The following CNTNAP2 variants were observed in gnomAD, a reference collection of about 807,000 sequenced individuals.
CNTNAP2 encodes the protein contactin-associated protein-like 2.
CNTNAP2 carries 98 observed loss-of-function variants against 155.2 expected under a neutral mutation model. The ratio of observed to expected loss-of-function variants is 0.63; its 90% CI spans 0.54 to 0.75. The LOEUF is 0.75. CNTNAP2 is among the 30% of genes least tolerant of loss of function. The probability of loss-of-function intolerance (pLI) is 0.00; values close to 1 mark genes in which losing one functional copy is unlikely to be tolerated. For synonymous variants in CNTNAP2, 651 were observed against 631.2 expected (o/e 1.03, Z -0.47); for missense variants, 1,727 against 1,688.1 (o/e 1.02, Z -0.40).
chr7:147,627,515 G>C (rs946481778), intron 12 of CNTNAP2, among the ~76,000 whole-genome samples: 1 of 151,872 alleles, frequency 6.6e-6, no homozygotes, highest in African/African-American at 2.4e-5. Flanking sequence ...GGCCAACATA[G>C]TGAAACCCTG....
intron 1 of CNTNAP2, among the ~76,000 whole-genome samples, chr7:146,638,232 C>G (rs1407917737): frequency 6.6e-6 from 1 of 152,148 alleles, no homozygotes. Flanking sequence ...CTGACAGTGA[C>G]TTAAATTATT....
chr7:146,569,077 C>G (rs1311199073), intron 1 of CNTNAP2, among the ~76,000 whole-genome samples: 1 of 151,878 alleles, frequency 6.6e-6, no homozygotes, highest in Non-Finnish European at 1.5e-5. Flanking sequence ...AGTGCAGTGG[C>G]GCAATCTTGG....
intron 8 of CNTNAP2, among the ~76,000 whole-genome samples, chr7:147,277,981 C>T (rs1804937890): frequency 6.6e-6 from 1 of 151,742 alleles, no homozygotes; most frequent in Admixed American, 6.6e-5. Context: ...ATGCAAATTG[C>T]TCTTGCTGAA....
chr7:146,822,634 T>C (rs918894871), intron 2 of CNTNAP2, among the ~76,000 whole-genome samples: 1 of 149,164 alleles, frequency 6.7e-6, no homozygotes, highest in African/African-American at 2.4e-5. Flanking sequence ...AAACATTACT[T>C]ATCAAAATAC....
intron 3 of CNTNAP2, among the ~76,000 whole-genome samples, chr7:146,892,946 G>A (rs7810174): frequency 0.71 from 108,714 of 152,086 alleles, 39,731 homozygotes; most frequent in African/African-American, 0.86. Flanking sequence ...TATATGCAGA[G>A]ACAACTCATG....
chr7:147,702,080 G>A (rs1320059021), intron 13 of CNTNAP2, among the ~76,000 whole-genome samples: 8 of 101,226 alleles, frequency 7.9e-5, no homozygotes, highest in Non-Finnish European at 1.1e-4. Flanking sequence ...TTTTTTTTCC[G>A]AAATATACTT....
intron 21 of CNTNAP2, among the ~76,000 whole-genome samples, chr7:148,351,946 C>T (rs1345609205): frequency 1.3e-5 from 2 of 152,038 alleles, no homozygotes; most frequent in African/African-American, 2.4e-5. Context: ...AAGGCTTCTC[C>T]ACTCCTGCCA....
At chr7:146,886,429 G>T (rs1293761345) in intron 3 of CNTNAP2, among the ~76,000 whole-genome samples, 2 of 151,776 alleles carry the variant, frequency 1.3e-5, no homozygotes, top group African/African-American at 2.4e-5. Context: ...AATTCTTTTT[G>T]GTAGATATCT....
chr7:146,606,090 T>A (rs1799042485), intron 1 of CNTNAP2, among the ~76,000 whole-genome samples: 1 of 152,220 alleles, frequency 6.6e-6, no homozygotes, highest in African/African-American at 2.4e-5. Flanking sequence ...ATTGCAGTCA[T>A]AAATTTGCTA....
chr7:146,649,426 G>C (rs1365517643), intron 1 of CNTNAP2, among the ~76,000 whole-genome samples: 1 of 152,124 alleles, frequency 6.6e-6, no homozygotes, highest in African/African-American at 2.4e-5. Flanking sequence ...GTAAGTTCAT[G>C]ATAAATGCTA....
chr7:147,291,583 G>A (rs993105013), intron 8 of CNTNAP2, among the ~76,000 whole-genome samples: 10 of 152,144 alleles, frequency 6.6e-5, no homozygotes, highest in African/African-American at 9.6e-5. Flanking sequence ...CAACTGTCAT[G>A]AATAAGGCTG....
intron 11 of CNTNAP2, among the ~76,000 whole-genome samples, chr7:147,524,105 C>G (rs1799275077): frequency 6.6e-6 from 1 of 152,206 alleles, no homozygotes. Context: ...CACAACTGCA[C>G]ACATGGTAGC....
intron 3 of CNTNAP2, among the ~76,000 whole-genome samples, chr7:146,933,575 A>G (rs1237724056): frequency 3.3e-5 from 5 of 149,748 alleles, no homozygotes; most frequent in Admixed American, 3.3e-4. Flanking sequence ...AACAAAAGCC[A>G]AAATTGACAA....
At chr7:148,045,799 TCAAA>T (rs986645228) in intron 15 of CNTNAP2, among the ~76,000 whole-genome samples, 1 of 152,178 alleles carries the variant, frequency 6.6e-6, no homozygotes, top group Admixed American at 6.6e-5. Flanking sequence ...GCCAGCCATA[TCAAA>T]CAACCCAACA....
intron 8 of CNTNAP2, among the ~76,000 whole-genome samples, chr7:147,137,031 C>T (rs1415511774): frequency 6.6e-6 from 1 of 151,634 alleles, no homozygotes; most frequent in Non-Finnish European, 1.5e-5. Context: ...TATTAGAAGC[C>T]TTAAAAGATG....
rs76612227 is a variant in CNTNAP2 at position 147,640,352 on chromosome 7, C to G, written c.2098+1046C>G. On this transcript the variant is annotated intron_variant, in intron 13 of 23. Coordinates refer to ENST00000361727, the MANE Select transcript of CNTNAP2 (RefSeq NM_014141.6). ...ACCTTTTGATATTAAGCCTCAGTTT[C>G]CAGCGACTTTTTCTGTCAAGGAGAA... Among the ~76,000 whole-genome samples, 1,494 of 152,178 alleles carry G rather than the reference C, an allele frequency of 9.8e-3. 23 individuals carry two copies. The highest frequency in any genetic ancestry group is 0.034 in the African/African-American group (1,418 of 41,536).
intron 3 of CNTNAP2, among the ~76,000 whole-genome samples, chr7:146,842,676 G>C (rs1212970058): frequency 2.0e-5 from 3 of 151,978 alleles, no homozygotes; most frequent in African/African-American, 7.3e-5. Context: ...AAAGAGACGG[G>C]GGTGTCACAT....
intron 10 of CNTNAP2, among the ~76,000 whole-genome samples, chr7:147,478,166 G>A (rs7781897): frequency 6.6e-6 from 1 of 150,690 alleles, no homozygotes; most frequent in African/African-American, 2.4e-5. Flanking sequence ...TTTTTTGGGT[G>A]GTGGGGGAGG....
chr7:146,541,867 A>C (rs1305719706), intron 1 of CNTNAP2, among the ~76,000 whole-genome samples: 2 of 152,030 alleles, frequency 1.3e-5, no homozygotes, highest in Non-Finnish European at 2.9e-5. Context: ...ACTGTTCTTG[A>C]ATGATTTATT....
Sources: allele counts gnomAD v4.1 joint callset (sites outside exome capture counted in the v4.1 genomes callset), GRCh38; gene constraint gnomAD v4.1.1; transcripts MANE v1.5; gene names NCBI Gene and HGNC (gene_info 2026-07-23, HGNC 2026-07-21).